The following OSMR variants were observed in gnomAD, a reference collection of about 807,000 sequenced individuals.
The protein encoded by OSMR is oncostatin-M-specific receptor subunit beta.
Under a neutral mutation model 99.9 loss-of-function variants are expected in OSMR, and 81 were observed. That is an observed-to-expected ratio of 0.81 (90% confidence interval 0.68 to 0.97). The LOEUF is 0.97. Among genes scored for constraint, OSMR ranks in the 50% least tolerant of loss-of-function variants. OSMR has a pLI of 0.00. For missense variants in OSMR, 1,099 were observed against 1,153.4 expected (o/e 0.95, Z 0.68); for synonymous variants, 406 against 410.4 (o/e 0.99, Z 0.13).
chr5:38,920,642 A>G (rs1746185724), intron 11 of OSMR, among the ~76,000 whole-genome samples: 2 of 152,314 alleles, frequency 1.3e-5, no homozygotes, highest in South Asian at 4.1e-4. Context: ...TATAAAAATG[A>G]ATCAGTGGTT....
At chr5:38,916,846 G>C (rs896499749) in intron 9 of OSMR, among the ~76,000 whole-genome samples, 11 of 152,134 alleles carry the variant, frequency 7.2e-5, no homozygotes, top group Non-Finnish European at 1.5e-4. Context: ...GAAGTGCCAG[G>C]CCCTGAGGCA....
chr5:38,939,340 A>G (rs1561424331), downstream of OSMR: 1 of 232,340 alleles, frequency 4.3e-6, no homozygotes, highest in Non-Finnish European at 8.5e-6. Flanking sequence ...ACTTGTACAC[A>G]TTATGTTAAT....
At position 38,933,564 on chromosome 5, in the gene OSMR, T is replaced by TAAG; in HGVS notation, c.*122_*124dup. ...GTACGATTTGCAGGTCTGGTTTATA[T>TAAG]AAGACCACTACAGTCTGGCTAGGTT... On this transcript the variant is annotated 3_prime_UTR_variant, in exon 18 of 18. Coordinates refer to ENST00000274276, the MANE Select transcript of OSMR (RefSeq NM_003999.3). 2 of 1,081,540 alleles carry TAAG rather than the reference T, an allele frequency of 1.8e-6. No homozygotes were observed. The highest frequency in any genetic ancestry group is 2.8e-6 in the Non-Finnish European group (2 of 720,610). 67.0% of individuals were successfully genotyped at this position (1,081,540 alleles called of 1,614,324 possible).
At chr5:38,903,503 C>T (rs555749924) in intron 7 of OSMR, among the ~76,000 whole-genome samples, 1 of 152,352 alleles carries the variant, frequency 6.6e-6, no homozygotes, top group South Asian at 2.1e-4. Context: ...ATTCCTAGCA[C>T]AGTCTACATA....
At chr5:38,854,947 C>T (rs1284000042) in intron 1 of OSMR, among the ~76,000 whole-genome samples, 1 of 152,220 alleles carries the variant, frequency 6.6e-6, no homozygotes, top group Non-Finnish European at 1.5e-5. Context: ...AGCAGTGCTC[C>T]TCACTGACAG....
At position 38,862,238 on chromosome 5, in the gene OSMR, C is replaced by T. The variant is rs1244195261; in HGVS notation, c.-13-6794C>T. ...CTCCCGGACGGGGCGGCTGGCTGGG[C>T]GGGGGGCTGACCCCCTACCTCCCTC... On this transcript the variant is annotated intron_variant, in intron 1 of 17. Coordinates refer to ENST00000274276, the MANE Select transcript of OSMR (RefSeq NM_003999.3). 9.9e-5 allele frequency among the ~76,000 whole-genome samples: 10 copies of T among 101,278 alleles called. 1 individual carries two copies. Among genetic ancestry groups the T allele is most frequent in the Admixed American group, 2.7e-4 (3 of 10,954 alleles). 66.4% of individuals were successfully genotyped at this position (101,278 alleles called of 152,430 possible). A position where few individuals can be genotyped will look rare whatever the true frequency, so the allele number is the denominator to read the frequency against.
intron 3 of OSMR, among the ~76,000 whole-genome samples, chr5:38,880,106 G>GC (rs1301996223): frequency 3.3e-5 from 5 of 152,122 alleles, no homozygotes; most frequent in Non-Finnish European, 7.4e-5. Flanking sequence ...ACAATTAAAT[G>GC]CCCCCTGGGT....
At chr5:38,931,139 G>A (rs1243732970) in intron 15 of OSMR, among the ~76,000 whole-genome samples, 2 of 152,138 alleles carry the variant, frequency 1.3e-5, no homozygotes, top group Admixed American at 6.5e-5. Flanking sequence ...ACATATTGGA[G>A]AAATAAACGT....
intron 7 of OSMR, among the ~76,000 whole-genome samples, chr5:38,894,980 CA>C (rs35347417): frequency 0.054 from 7,712 of 143,994 alleles, 258 homozygotes; most frequent in South Asian, 0.097. Flanking sequence ...TCAATAAAAG[CA>C]AAAAAAAAAT....
rs112629502 is a variant in OSMR at position 38,890,779 on chromosome 5, C to A, written c.991+4589C>A. On this transcript the variant is annotated intron_variant, in intron 7 of 17. Coordinates refer to ENST00000274276, the MANE Select transcript of OSMR (RefSeq NM_003999.3). ...TAAAGAAGTTGGGAGCCTCTATATA[C>A]CAGCATTTAAAAAAATTCTATAGTT... 1.2e-3 allele frequency among the ~76,000 whole-genome samples: 181 copies of A among 152,212 alleles called. 2 individuals carry two copies. The highest frequency in any genetic ancestry group is 4.2e-3 in the African/African-American group (174 of 41,512).
intron 1 of OSMR, among the ~76,000 whole-genome samples, chr5:38,849,069 C>T (rs62354700): frequency 0.25 from 37,611 of 152,040 alleles, 4,874 homozygotes; most frequent in South Asian, 0.4. Context: ...TGAGCCACTG[C>T]GCCCGGCCAG....
intron 1 of OSMR, chr5:38,942,384 GA>G (rs757992591): frequency 6.4e-6 from 10 of 1,566,580 alleles, no homozygotes; most frequent in South Asian, 3.6e-5. Flanking sequence ...TGCATCTAGG[GA>G]AAAAATGGTG....
At chr5:38,851,150 T>C (rs532195481) in intron 1 of OSMR, among the ~76,000 whole-genome samples, 4 of 152,298 alleles carry the variant, frequency 2.6e-5, no homozygotes, top group African/African-American at 7.2e-5. Flanking sequence ...AGTGTGGAAA[T>C]AAGGAAATTG....
At position 38,869,025 on chromosome 5, in the gene OSMR, T is replaced by A; in HGVS notation, c.-13-7T>A. The A allele has an allele frequency of 6.2e-7, 1 of 1,612,736 alleles. No homozygotes were observed. Among genetic ancestry groups the A allele is most frequent in the East Asian group, 2.2e-5 (1 of 44,852 alleles). ...AAATTTTCCTTCTTATAATTTATCT[T>A]TTTCAGAAAACCAGAACTGATGGCT... On this transcript the variant is annotated splice_polypyrimidine_tract_variant and splice_region_variant and intron_variant, in intron 1 of 17. Coordinates refer to ENST00000274276, the MANE Select transcript of OSMR (RefSeq NM_003999.3).
At chr5:38,915,065 A>G (rs1745817723) in intron 9 of OSMR, among the ~76,000 whole-genome samples, 1 of 152,214 alleles carries the variant, frequency 6.6e-6, no homozygotes, top group Non-Finnish European at 1.5e-5. Flanking sequence ...GAGGGATATG[A>G]TTCACTAAAT....
intron 1 of OSMR, among the ~76,000 whole-genome samples, chr5:38,865,710 G>A (rs931496184): frequency 1.6e-4 from 25 of 152,214 alleles, no homozygotes; most frequent in Non-Finnish European, 2.8e-4. Flanking sequence ...TGGTAGTGGG[G>A]TTGGATGGGC....
intron 9 of OSMR, among the ~76,000 whole-genome samples, chr5:38,916,557 C>T (rs1453396741): frequency 1.3e-5 from 2 of 152,038 alleles, no homozygotes; most frequent in Non-Finnish European, 2.9e-5. Flanking sequence ...CATCTAGTAA[C>T]CCCTCTATAA....
intron 3 of OSMR, among the ~76,000 whole-genome samples, chr5:38,881,079 C>T (rs531937871): frequency 2.4e-4 from 37 of 152,312 alleles, no homozygotes; most frequent in Middle Eastern, 6.8e-3. Flanking sequence ...CATCTATCAA[C>T]TTCCGAGAGA....
chr5:38,872,930 A>C (rs926855808), intron 2 of OSMR, among the ~76,000 whole-genome samples: 1 of 152,240 alleles, frequency 6.6e-6, no homozygotes, highest in African/African-American at 2.4e-5. Flanking sequence ...GTGTTATGCC[A>C]GCATTTTTAT....
Sources: gnomAD v4.1 joint callset for allele counts (sites outside exome capture counted in the v4.1 genomes callset) on GRCh38, gnomAD v4.1.1 for gene constraint, MANE v1.5 for transcripts, NCBI Gene and HGNC (gene_info 2026-07-23, HGNC 2026-07-21) for gene names.